RNGTT: variants seen among roughly 807,000 people sequenced by gnomAD.
RNGTT encodes the protein RNA guanylyltransferase and 5'-phosphatase.
A neutral mutation model predicts 79.3 loss-of-function variants in RNGTT; 33 were observed. That is an observed-to-expected ratio of 0.42 (90% CI 0.32 to 0.56). The LOEUF (loss-of-function observed/expected upper bound fraction) is 0.56, where lower values mean the gene tolerates loss of function less well. RNGTT is among the 20% of genes least tolerant of loss of function. The probability of loss-of-function intolerance (pLI) is 0.17; values close to 1 mark genes in which losing one functional copy is unlikely to be tolerated. For missense variants in RNGTT, 497 were observed against 739.1 expected, an observed-to-expected ratio of 0.67 and a Z score of 3.80; for synonymous variants, 222 against 235.9, an observed-to-expected ratio of 0.94 and a Z score of 0.54.
chr6:88,773,017 A>C, intron 12 of RNGTT, among the ~76,000 whole-genome samples: 1 of 146,738 alleles, frequency 6.8e-6, no homozygotes, highest in African/African-American at 2.5e-5. Context: ...AGACACATGC[A>C]CACGTATGTT....
chr6:88,929,427 A>G (rs1301006479), intron 2 of RNGTT, among the ~76,000 whole-genome samples, 160 bp from the exon 3 acceptor site: 1 of 152,186 alleles, frequency 6.6e-6, no homozygotes, highest in Non-Finnish European at 1.5e-5. Context: ...ATCACTTATC[A>G]AAGTCTTATT....
At chr6:88,801,966 C>A (rs566743165) in intron 11 of RNGTT, among the ~76,000 whole-genome samples, 1 of 151,724 alleles carries the variant, frequency 6.6e-6, no homozygotes, top group East Asian at 1.9e-4. Context: ...TATTCCTAAG[C>A]CAGCACAAAA....
chr6:88,828,653 G>A (rs1355632750), intron 11 of RNGTT, among the ~76,000 whole-genome samples: 1 of 152,048 alleles, frequency 6.6e-6, no homozygotes, highest in Non-Finnish European at 1.5e-5. Context: ...AAAAAGGTTA[G>A]AGGAATTGCT....
chr6:88,710,570 C>G (rs1776284728), intron 13 of RNGTT, among the ~76,000 whole-genome samples: 1 of 152,152 alleles, frequency 6.6e-6, no homozygotes, highest in Non-Finnish European at 1.5e-5. Context: ...GCAACCACAT[C>G]AACCTAACGG....
chr6:88,618,378 T>G (rs1342893202), intron 14 of RNGTT, among the ~76,000 whole-genome samples: 2 of 152,124 alleles, frequency 1.3e-5, no homozygotes, highest in African/African-American at 4.8e-5. Context: ...CAGTTTCCAA[T>G]AATGGTCGGA....
At chr6:88,673,166 G>A (rs1433771328) in intron 14 of RNGTT, among the ~76,000 whole-genome samples, 2 of 152,166 alleles carry the variant, frequency 1.3e-5, no homozygotes, top group East Asian at 3.9e-4. Context: ...TGATGTTAAT[G>A]AATGAGAATG....
At chr6:88,814,684 C>T (rs1199366492) in intron 11 of RNGTT, among the ~76,000 whole-genome samples, 7 of 151,468 alleles carry the variant, frequency 4.6e-5, no homozygotes, top group Admixed American at 1.3e-4. Flanking sequence ...AATGAATATA[C>T]GAATACAATG....
intron 14 of RNGTT, among the ~76,000 whole-genome samples, chr6:88,627,505 C>A (rs9451039): frequency 0.03 from 4,547 of 152,220 alleles, 226 homozygotes; most frequent in African/African-American, 0.1. Context: ...CTATTCACCT[C>A]TGCCTTTCTT....
chr6:88,619,425 C>T (rs917649950), intron 14 of RNGTT, among the ~76,000 whole-genome samples: 9 of 152,202 alleles, frequency 5.9e-5, no homozygotes, highest in African/African-American at 9.6e-5. Context: ...GCCTTGGCCT[C>T]CCAAAGTGCT....
intron 14 of RNGTT, chr6:88,678,122 G>T (rs1774947764): frequency 8.9e-6 from 6 of 670,680 alleles, no homozygotes; most frequent in Non-Finnish European, 1.0e-5. Context: ...GAGTAGCTGG[G>T]ACTATAGGCA....
At chr6:88,849,681 CACCAAA>C (rs1781607034) in intron 10 of RNGTT, 68 bp downstream of exon 10, 1 of 1,340,128 alleles carries the variant, frequency 7.5e-7, no homozygotes. Context: ...TCTAAGGCAG[CACCAAA>C]GACTATTGTC....
intron 11 of RNGTT, among the ~76,000 whole-genome samples, chr6:88,828,439 C>T (rs1780742619): frequency 6.6e-6 from 1 of 152,156 alleles, no homozygotes; most frequent in Admixed American, 6.5e-5. Context: ...TGAGGAAAAA[C>T]CAGCCCAAAA....
intron 9 of RNGTT, among the ~76,000 whole-genome samples, 161 bp downstream of exon 9, chr6:88,853,468 G>A (rs1781739021): frequency 6.8e-6 from 1 of 147,966 alleles, no homozygotes; most frequent in Non-Finnish European, 1.5e-5. Context: ...TCCCGCCACT[G>A]CACTCCAGCC....
intron 14 of RNGTT, among the ~76,000 whole-genome samples, chr6:88,639,189 C>G (rs1773217020): frequency 6.6e-6 from 1 of 152,008 alleles, no homozygotes; most frequent in African/African-American, 2.4e-5. Context: ...CACTGAGTCC[C>G]TCTAAAGCAT....
chr6:88,777,554 C>T (rs1039921739), intron 12 of RNGTT, among the ~76,000 whole-genome samples: 1 of 151,986 alleles, frequency 6.6e-6, no homozygotes, highest in African/African-American at 2.4e-5. Flanking sequence ...GTATTTTATT[C>T]TTTTTGATGC....
chr6:88,765,191 C>CA (rs11286162), intron 13 of RNGTT, among the ~76,000 whole-genome samples: 2,192 of 84,190 alleles, frequency 0.026, 23 homozygotes, highest in African/African-American at 0.038. Context: ...GACTCCATCT[C>CA]AAAAAAAAAA....
intron 14 of RNGTT, among the ~76,000 whole-genome samples, chr6:88,668,190 G>A (rs557851328): frequency 1.3e-4 from 20 of 152,148 alleles, no homozygotes; most frequent in African/African-American, 4.6e-4. Context: ...TTGTGGCCAC[G>A]GTGGAAAGGA....
intron 8 of RNGTT, among the ~76,000 whole-genome samples, chr6:88,884,359 A>C (rs1562301359): frequency 6.6e-6 from 1 of 152,262 alleles, no homozygotes; most frequent in Non-Finnish European, 1.5e-5. Context: ...TTTCTAGAAC[A>C]TACTGTTAAG....
intron 7 of RNGTT, 121 bp downstream of exon 7, chr6:88,891,685 C>G (rs972011645): frequency 1.8e-6 from 1 of 549,192 alleles, no homozygotes; most frequent in Non-Finnish European, 3.0e-6. Context: ...AATCTGACAC[C>G]TTTAAAGTAT....
Sources: allele counts gnomAD v4.1 joint callset (sites outside exome capture counted in the v4.1 genomes callset), GRCh38; gene constraint gnomAD v4.1.1; transcripts MANE v1.5; gene names NCBI Gene and HGNC (gene_info 2026-07-23, HGNC 2026-07-21).